PABPC4L: variants seen among roughly 807,000 people sequenced by gnomAD.
The protein encoded by PABPC4L is polyadenylate-binding protein 4-like.
For synonymous variants in PABPC4L, 169 were observed against 164.1 expected (o/e 1.03, Z -0.23); for missense variants, 452 against 451.4 (o/e 1.00, Z -0.01).
the PABPC4L span, among the ~76,000 whole-genome samples, chr4:134,086,285 A>G: frequency 6.6e-6 from 1 of 151,768 alleles, no homozygotes; most frequent in Non-Finnish European, 1.5e-5. Flanking sequence ...AATATTTTCT[A>G]TATAATCCAG....
chr4:134,124,884 G>GT, the PABPC4L span, among the ~76,000 whole-genome samples: 22 of 152,042 alleles, frequency 1.4e-4, no homozygotes, highest in Admixed American at 2.6e-4. Context: ...GGTACTGATA[G>GT]TGAAGGGCTG....
the PABPC4L span, among the ~76,000 whole-genome samples, chr4:134,072,591 G>T: frequency 6.6e-6 from 1 of 152,062 alleles, no homozygotes; most frequent in Non-Finnish European, 1.5e-5. Context: ...GAATGTATAT[G>T]GTTCTCATAG....
chr4:134,045,406 C>A, the PABPC4L span, among the ~76,000 whole-genome samples: 1 of 152,090 alleles, frequency 6.6e-6, no homozygotes, highest in Non-Finnish European at 1.5e-5. Flanking sequence ...TCTTTAGATA[C>A]CTTACTGAGG....
chr4:133,953,653 A>G, the PABPC4L span, among the ~76,000 whole-genome samples: 1 of 151,984 alleles, frequency 6.6e-6, no homozygotes, highest in African/African-American at 2.4e-5. Context: ...CCTCCTAATT[A>G]TTACTTCCCT....
At chr4:134,171,940 C>T in the PABPC4L span, among the ~76,000 whole-genome samples, 3,409 of 151,876 alleles carry the variant, frequency 0.022, 127 homozygotes, top group African/African-American at 0.078. Flanking sequence ...CAATAAAATA[C>T]CTAGGAATAC....
chr4:133,979,566 G>T, the PABPC4L span, among the ~76,000 whole-genome samples: 1 of 152,018 alleles, frequency 6.6e-6, no homozygotes, highest in South Asian at 2.1e-4. Context: ...TGGGCTTTCC[G>T]TATTAGTTCC....
At chr4:134,079,211 C>T in the PABPC4L span, among the ~76,000 whole-genome samples, 1 of 151,080 alleles carries the variant, frequency 6.6e-6, no homozygotes, top group Admixed American at 6.6e-5. Context: ...ACCTCGTGTC[C>T]CGCCTGCCTC....
chr4:134,058,209 A>G, the PABPC4L span, among the ~76,000 whole-genome samples: 3 of 152,080 alleles, frequency 2.0e-5, no homozygotes, highest in African/African-American at 7.2e-5. Flanking sequence ...GGAAAAAAGA[A>G]ATATAGAATT....
chr4:134,076,626 T>C, the PABPC4L span, among the ~76,000 whole-genome samples: 1 of 152,178 alleles, frequency 6.6e-6, no homozygotes, highest in Admixed American at 6.6e-5. Flanking sequence ...ATGGAGGTAA[T>C]CTTTGCGGGC....
the PABPC4L span, among the ~76,000 whole-genome samples, chr4:134,152,351 T>C: frequency 3.3e-5 from 5 of 152,136 alleles, no homozygotes; most frequent in African/African-American, 7.2e-5. Flanking sequence ...AATAATTTCA[T>C]GTAAGATCTT....
the PABPC4L span, among the ~76,000 whole-genome samples, chr4:134,083,461 T>C: frequency 6.6e-6 from 1 of 152,142 alleles, no homozygotes; most frequent in African/African-American, 2.4e-5. Flanking sequence ...CTCAGATACA[T>C]TTTTAAATGT....
chr4:134,017,822 C>T, the PABPC4L span, among the ~76,000 whole-genome samples: 1 of 152,104 alleles, frequency 6.6e-6, no homozygotes. Flanking sequence ...ATCTCTCCCA[C>T]TCTAGGTTCC....
the PABPC4L span, among the ~76,000 whole-genome samples, chr4:134,167,959 A>G: frequency 6.6e-6 from 1 of 152,056 alleles, no homozygotes; most frequent in Non-Finnish European, 1.5e-5. Flanking sequence ...CACTTATAGA[A>G]CATTTCATAT....
At chr4:134,180,717 A>C in the PABPC4L span, among the ~76,000 whole-genome samples, 5 of 151,716 alleles carry the variant, frequency 3.3e-5, no homozygotes, top group African/African-American at 1.2e-4. Context: ...ACCTTACAGA[A>C]ACACAAAAAA....
At chr4:134,017,031 T>G in the PABPC4L span, among the ~76,000 whole-genome samples, 1 of 152,170 alleles carries the variant, frequency 6.6e-6, no homozygotes, top group Non-Finnish European at 1.5e-5. Context: ...TTCCCTTCTG[T>G]CAGACATAAT....
chr4:134,078,738 A>G, the PABPC4L span, among the ~76,000 whole-genome samples: 2 of 143,836 alleles, frequency 1.4e-5, no homozygotes, highest in Non-Finnish European at 3.0e-5. Flanking sequence ...CACAACCTCC[A>G]CCTCCCCGTG....
chr4:134,038,067 C>T, the PABPC4L span, among the ~76,000 whole-genome samples: 35 of 152,098 alleles, frequency 2.3e-4, no homozygotes, highest in Non-Finnish European at 4.1e-4. Flanking sequence ...TTTTCTGCAT[C>T]TATTGAGATA....
At chr4:134,132,296 T>C in the PABPC4L span, among the ~76,000 whole-genome samples, 1 of 151,594 alleles carries the variant, frequency 6.6e-6, no homozygotes, top group African/African-American at 2.4e-5. Flanking sequence ...TGGGAGAAAA[T>C]CTTTGCGGTC....
At chr4:133,976,240 G>T in the PABPC4L span, among the ~76,000 whole-genome samples, 1 of 152,076 alleles carries the variant, frequency 6.6e-6, no homozygotes, top group Non-Finnish European at 1.5e-5. Context: ...GTTTCCTGAG[G>T]ATAATGGCTT....
Sources: gnomAD v4.1 joint callset for allele counts (sites outside exome capture counted in the v4.1 genomes callset) on GRCh38, gnomAD v4.1.1 for gene constraint, MANE v1.5 for transcripts, NCBI Gene and HGNC (gene_info 2026-07-23, HGNC 2026-07-21) for gene names.